TMEM150C: variants seen among roughly 807,000 people sequenced by gnomAD.
TMEM150C encodes transmembrane protein 150C.
A neutral mutation model predicts 29.9 loss-of-function variants in TMEM150C; 10 were observed. The observed-to-expected ratio is 0.33, with a 90% CI of 0.21 to 0.57. The LOEUF (loss-of-function observed/expected upper bound fraction) is 0.57. Among genes scored for constraint, TMEM150C ranks in the 20% least tolerant of loss-of-function variants. The pLI is 0.88. For synonymous variants in TMEM150C, 101 were observed against 112.5 expected, an observed-to-expected ratio of 0.90 and a Z score of 0.64; for missense variants, 251 against 303.6, an observed-to-expected ratio of 0.83 and a Z score of 1.29.
At chr4:82,494,706 A>T (rs1723480107) in intron 6 of TMEM150C, 1 of 215,252 alleles carries the variant, frequency 4.6e-6, no homozygotes, top group South Asian at 7.0e-5. Flanking sequence ...ATTTAAGAGA[A>T]CTCAGGAAGA....
chr4:82,509,320 C>G (rs1313456005), intron 1 of TMEM150C, among the ~76,000 whole-genome samples: 1 of 152,104 alleles, frequency 6.6e-6, no homozygotes, highest in Non-Finnish European at 1.5e-5. Flanking sequence ...TGCAGAGGCT[C>G]CCACTATTGA....
chr4:82,508,691 C>A lies in TMEM150C; in HGVS notation c.-10-4024G>T, dbSNP rs568555643. Among the ~76,000 whole-genome samples, 101 of 152,240 alleles carry A rather than the reference C, an allele frequency of 6.6e-4. 1 individual carries two copies. Among genetic ancestry groups the A allele is most frequent in the African/African-American group, 2.3e-3 (95 of 41,518 alleles). On this transcript the variant is annotated intron_variant, in intron 1 of 7. Transcript: ENST00000449862. ...ATGTTGGCCAGGCTAGTCTCGAATT[C>A]CTGACCTCAGGTGATCAACCTGCCT...
intron 5 of TMEM150C, among the ~76,000 whole-genome samples, chr4:82,501,496 G>A (rs947238822): frequency 1.3e-5 from 2 of 152,190 alleles, no homozygotes; most frequent in African/African-American, 2.4e-5. Context: ...AATGGGATAC[G>A]CTTTGGGGAT....
intron 1 of TMEM150C, among the ~76,000 whole-genome samples, chr4:82,525,145 A>G (rs941460181): frequency 1.3e-5 from 2 of 152,332 alleles, no homozygotes; most frequent in East Asian, 1.9e-4. Context: ...TTGCAAACGC[A>G]GCTGAGACAG....
chr4:82,515,529 G>C (rs754709354), intron 1 of TMEM150C, among the ~76,000 whole-genome samples: 15 of 151,988 alleles, frequency 9.9e-5, no homozygotes, highest in Admixed American at 9.8e-4. Context: ...ACGAGGTCAG[G>C]AGATGGAGAC....
At chr4:82,525,243 G>A (rs1203633245) in intron 1 of TMEM150C, among the ~76,000 whole-genome samples, 2 of 152,192 alleles carry the variant, frequency 1.3e-5, no homozygotes, top group Non-Finnish European at 2.9e-5. Context: ...GTCAGTTGGG[G>A]CTTGGTAAAG....
At chr4:82,511,760 C>T (rs796262544) in intron 1 of TMEM150C, among the ~76,000 whole-genome samples, 20 of 152,230 alleles carry the variant, frequency 1.3e-4, no homozygotes, top group African/African-American at 4.6e-4. Flanking sequence ...AGCCACTGCG[C>T]CTGGCCTGTC....
intron 1 of TMEM150C, among the ~76,000 whole-genome samples, chr4:82,523,675 A>G (rs1448300058): frequency 6.6e-6 from 1 of 151,984 alleles, no homozygotes; most frequent in Non-Finnish European, 1.5e-5. Context: ...TAATTTCTTA[A>G]TAACTCCTAC....
At chr4:82,503,337 T>C (rs1723796298) in intron 2 of TMEM150C, among the ~76,000 whole-genome samples, 1 of 152,194 alleles carries the variant, frequency 6.6e-6, no homozygotes, top group Non-Finnish European at 1.5e-5. Context: ...ATGGCCATGC[T>C]TATAAACTGG....
chr4:82,533,976 C>T (rs1358384703), intron 1 of TMEM150C, among the ~76,000 whole-genome samples: 1 of 152,140 alleles, frequency 6.6e-6, no homozygotes, highest in African/African-American at 2.4e-5. Flanking sequence ...TGGTGCGATC[C>T]CTAATCCCCT....
intron 3 of TMEM150C, 50 bp from the exon 4 acceptor site, chr4:82,502,977 T>C: frequency 6.3e-7 from 1 of 1,596,382 alleles, no homozygotes; most frequent in Non-Finnish European, 8.5e-7. Flanking sequence ...AGCACTGTCA[T>C]TTGTGCAGTT....
At chr4:82,547,159 G>A (rs902365734) in intron 1 of TMEM150C, among the ~76,000 whole-genome samples, 4 of 151,638 alleles carry the variant, frequency 2.6e-5, no homozygotes, top group African/African-American at 9.7e-5. Flanking sequence ...ACGTAACTAA[G>A]GTCTAATATC....
At chr4:82,551,739 C>G (rs560890291) in intron 1 of TMEM150C, among the ~76,000 whole-genome samples, 33 of 152,158 alleles carry the variant, frequency 2.2e-4, no homozygotes, top group African/African-American at 7.7e-4. Flanking sequence ...TTATGGTACC[C>G]TAGGATGCCT....
At chr4:82,535,555 A>G (rs1724977547) in intron 1 of TMEM150C, among the ~76,000 whole-genome samples, 1 of 152,204 alleles carries the variant, frequency 6.6e-6, no homozygotes, top group African/African-American at 2.4e-5. Context: ...AGTGACAAGG[A>G]GAAACCATGC....
chr4:82,537,148 A>T (rs1208550153), intron 1 of TMEM150C, among the ~76,000 whole-genome samples: 2 of 151,732 alleles, frequency 1.3e-5, no homozygotes, highest in African/African-American at 4.8e-5. Flanking sequence ...CACCCGGCTA[A>T]TTTTTTTTGT....
chr4:82,507,109 A>G (rs1723945941), intron 1 of TMEM150C, among the ~76,000 whole-genome samples: 1 of 152,244 alleles, frequency 6.6e-6, no homozygotes, highest in Admixed American at 6.5e-5. Flanking sequence ...AAGGATGTCA[A>G]GGACAGAGTG....
chr4:82,505,427 A>AG (rs1723887961), intron 1 of TMEM150C, among the ~76,000 whole-genome samples: 1 of 152,228 alleles, frequency 6.6e-6, no homozygotes, highest in African/African-American at 2.4e-5. Context: ...GGGTTAGGTT[A>AG]GGACTTTCGC....
At chr4:82,520,895 A>G (rs1724460708) in intron 1 of TMEM150C, among the ~76,000 whole-genome samples, 1 of 152,056 alleles carries the variant, frequency 6.6e-6, no homozygotes, top group Non-Finnish European at 1.5e-5. Flanking sequence ...CAAACAAAAC[A>G]CACACAAAAA....
intron 1 of TMEM150C, among the ~76,000 whole-genome samples, chr4:82,506,402 G>A (rs1047157496): frequency 6.6e-6 from 1 of 152,196 alleles, no homozygotes; most frequent in Admixed American, 6.5e-5. Flanking sequence ...ACATATCTGG[G>A]CAGTGGTGTT....
Sources: gnomAD v4.1 joint callset for allele counts (sites outside exome capture counted in the v4.1 genomes callset) on GRCh38, gnomAD v4.1.1 for gene constraint, MANE v1.5 for transcripts, NCBI Gene and HGNC (gene_info 2026-07-23, HGNC 2026-07-21) for gene names.